Variants in LTBP1 observed in about 807,000 individuals in gnomAD.
LTBP1 encodes latent-transforming growth factor beta-binding protein 1.
Under a neutral mutation model 207.6 loss-of-function variants are expected in LTBP1, and 129 were observed. That is an observed-to-expected ratio of 0.62 (90% confidence interval 0.54 to 0.72). The LOEUF (loss-of-function observed/expected upper bound fraction) is 0.72. Ranked by LOEUF, LTBP1 falls within the 30% of genes least tolerant of loss-of-function variation. The pLI is 0.00. For synonymous variants in LTBP1, 963 were observed against 833.7 expected (o/e 1.16, Z -2.67); for missense variants, 2,281 against 2,217.2 (o/e 1.03, Z -0.58).
At chr2:33,243,934 T>G (rs192553673) in intron 10 of LTBP1, 150 bp downstream of exon 10, 27 of 818,774 alleles carry the variant, frequency 3.3e-5, no homozygotes, top group Admixed American at 5.8e-5. Flanking sequence ...GCCTGCCTGA[T>G]GTAGTAAAAT....
chr2:33,162,316 C>T (rs1010051738), intron 5 of LTBP1, among the ~76,000 whole-genome samples: 3 of 152,254 alleles, frequency 2.0e-5, no homozygotes, highest in Admixed American at 1.3e-4. Flanking sequence ...ATTAGTTCTT[C>T]CTTAATCATT....
chr2:33,009,774 G>A (rs1239166461), intron 2 of LTBP1, among the ~76,000 whole-genome samples: 1 of 152,156 alleles, frequency 6.6e-6, no homozygotes, highest in African/African-American at 2.4e-5. Flanking sequence ...CCCTTTTAAG[G>A]CAGTGAATGC....
chr2:33,338,895 C>A (rs2149600762), intron 24 of LTBP1, among the ~76,000 whole-genome samples: 1 of 152,162 alleles, frequency 6.6e-6, no homozygotes, highest in African/African-American at 2.4e-5. Context: ...AGGCAGGAGG[C>A]AGATGAGGAA....
intron 5 of LTBP1, among the ~76,000 whole-genome samples, chr2:33,172,249 C>T (rs1255934050): frequency 3.3e-5 from 5 of 152,274 alleles, no homozygotes; most frequent in African/African-American, 1.2e-4. Context: ...GTGCTGTATT[C>T]AGGAAACCCA....
chr2:33,184,781 G>GTTTTTTTTT (rs34063170), intron 5 of LTBP1, among the ~76,000 whole-genome samples: 1 of 136,384 alleles, frequency 7.3e-6, no homozygotes. Flanking sequence ...AGTATTTTCT[G>GTTTTTTTTT]TTTTTTTTTT....
chr2:33,107,090 C>T (rs2080105746), intron 3 of LTBP1, among the ~76,000 whole-genome samples: 1 of 152,184 alleles, frequency 6.6e-6, no homozygotes, highest in Non-Finnish European at 1.5e-5. Context: ...CATTAGAGAA[C>T]TCATGAAGTC....
chr2:33,209,618 C>G (rs2090146362), intron 7 of LTBP1, among the ~76,000 whole-genome samples: 1 of 152,160 alleles, frequency 6.6e-6, no homozygotes, highest in Admixed American at 6.5e-5. Flanking sequence ...TTGAGAAAAC[C>G]TGAATATTTT....
chr2:32,956,791 G>A (rs1255523578), intron 2 of LTBP1, among the ~76,000 whole-genome samples: 1 of 147,152 alleles, frequency 6.8e-6, no homozygotes, highest in Non-Finnish European at 1.5e-5. Context: ...ATAGCCTTAT[G>A]AAATGTATTT....
chr2:33,070,555 A>C (rs900426892), intron 3 of LTBP1, among the ~76,000 whole-genome samples: 4 of 152,250 alleles, frequency 2.6e-5, no homozygotes, highest in African/African-American at 7.2e-5. Context: ...TTTTGTGCCA[A>C]GAGAATGCCT....
At chr2:32,987,972 A>G (rs1157299938) in intron 2 of LTBP1, among the ~76,000 whole-genome samples, 1 of 152,182 alleles carries the variant, frequency 6.6e-6, no homozygotes, top group Non-Finnish European at 1.5e-5. Context: ...CTTTTAAGAG[A>G]GATAGAGATT....
intron 3 of LTBP1, among the ~76,000 whole-genome samples, chr2:33,022,075 A>G (rs763596154): frequency 6.6e-6 from 1 of 152,168 alleles, no homozygotes; most frequent in Non-Finnish European, 1.5e-5. Flanking sequence ...CTTGCTTGGA[A>G]TTTAGAATGC....
At chr2:33,083,147 G>T (rs568090518) in intron 3 of LTBP1, among the ~76,000 whole-genome samples, 1 of 151,756 alleles carries the variant, frequency 6.6e-6, no homozygotes. Context: ...GAACTTGGTA[G>T]TTCTGGTAGC....
intron 31 of LTBP1, among the ~76,000 whole-genome samples, chr2:33,366,339 A>T (rs1198381081): frequency 2.0e-5 from 3 of 152,216 alleles, no homozygotes; most frequent in African/African-American, 4.8e-5. Flanking sequence ...ATATTCTCAG[A>T]ATGGTCGAGA....
At chr2:33,259,793 C>T (rs1227831648) in intron 13 of LTBP1, among the ~76,000 whole-genome samples, 183 bp downstream of exon 13, 1 of 152,036 alleles carries the variant, frequency 6.6e-6, no homozygotes, top group East Asian at 1.9e-4. Context: ...TAGATTGGGA[C>T]TCTTCTCAGT....
intron 24 of LTBP1, among the ~76,000 whole-genome samples, chr2:33,334,575 T>C (rs1015898504): frequency 6.6e-6 from 1 of 152,188 alleles, no homozygotes; most frequent in Non-Finnish European, 1.5e-5. Flanking sequence ...TGACTGGATG[T>C]GGAGCAGTAA....
At chr2:33,322,218 G>T (rs1182055513) in intron 24 of LTBP1, among the ~76,000 whole-genome samples, 3 of 151,528 alleles carry the variant, frequency 2.0e-5, no homozygotes, top group African/African-American at 7.3e-5. Flanking sequence ...GTAAACACTT[G>T]CCTTGCAGCC....
At chr2:33,366,377 T>G (rs1446856894) in intron 31 of LTBP1, among the ~76,000 whole-genome samples, 1 of 152,204 alleles carries the variant, frequency 6.6e-6, no homozygotes, top group Admixed American at 6.5e-5. Context: ...AAAGAGGAAA[T>G]GCATTAATTT....
intron 5 of LTBP1, among the ~76,000 whole-genome samples, chr2:33,180,626 G>T (rs5006122): frequency 0.52 from 78,227 of 151,142 alleles, 20,423 homozygotes; most frequent in African/African-American, 0.53. Context: ...TAATTTTTGG[G>T]ATGTTTTAAA....
intron 10 of LTBP1, among the ~76,000 whole-genome samples, chr2:33,246,298 C>T (rs2149818871): frequency 6.6e-6 from 1 of 152,236 alleles, no homozygotes; most frequent in South Asian, 2.1e-4. Flanking sequence ...CGATTTGAAC[C>T]AGTCCAGTCT....
Sources: allele counts gnomAD v4.1 joint callset (sites outside exome capture counted in the v4.1 genomes callset), GRCh38; gene constraint gnomAD v4.1.1; transcripts MANE v1.5; gene names NCBI Gene and HGNC (gene_info 2026-07-23, HGNC 2026-07-21).